Variants in EEFSEC observed in about 807,000 individuals in gnomAD.
EEFSEC encodes selenocysteine-specific elongation factor.
A neutral mutation model predicts 42.1 loss-of-function variants in EEFSEC; 43 were observed. The observed-to-expected ratio is 1.02, with a 90% CI of 0.80 to 1.32. EEFSEC has a LOEUF of 1.32. EEFSEC is among the 40% of genes most tolerant of loss of function. The pLI is 0.00. For missense variants in EEFSEC, 745 were observed against 803.6 expected (o/e 0.93, Z 0.88); for synonymous variants, 354 against 339.1 (o/e 1.04, Z -0.48).
chr3:128,317,635 T>C lies in EEFSEC; in HGVS notation c.787-23598T>C, dbSNP rs868515336. On this transcript the variant is annotated intron_variant, in intron 4 of 6. Transcript: ENST00000254730. The surrounding 1 kb of genome is among the most constrained non-coding windows in gnomAD (Gnocchi z 4.1). ...ACCCCTGTGTGGCATCTCACGGTAT[T>C]CATCTGCCGGCAGAGGAGAGTTCCA... Among the ~76,000 whole-genome samples, 1 of 152,248 alleles carries C rather than the reference T, an allele frequency of 6.6e-6. No individual in the cohort carries two copies. Among genetic ancestry groups the C allele is most frequent in the Non-Finnish European group, 1.5e-5 (1 of 68,042 alleles).
intron 1 of EEFSEC, among the ~76,000 whole-genome samples, chr3:128,242,781 A>T (rs1000693545): frequency 1.3e-5 from 2 of 152,210 alleles, no homozygotes; most frequent in African/African-American, 4.8e-5. Flanking sequence ...TCTTTTAAGG[A>T]TACTATAGTC....
In EEFSEC at chr3:128,287,321, G is replaced by T. The variant is rs373538330; in HGVS notation, c.786+22540G>T. Among the ~76,000 whole-genome samples the T allele has an allele frequency of 7.0e-4, 106 of 152,260 alleles. 1 individual carries two copies. In the East Asian group the frequency reaches 0.019, roughly 28 times the overall value. ...GGGCAGGCGGGCTTGTGCAGCCATGGGGGGAGGAAGGAATGAGATCAAGAA... is the reference window on the plus strand; with the variant it reads ...GGGCAGGCGGGCTTGTGCAGCCATGTGGGGAGGAAGGAATGAGATCAAGAA... On this transcript the variant is annotated intron_variant, in intron 4 of 6. Coordinates refer to ENST00000254730, the MANE Select transcript of EEFSEC (RefSeq NM_021937.5).
At chr3:128,195,636 A>G (rs2065576705) in intron 1 of EEFSEC, among the ~76,000 whole-genome samples, 1 of 152,178 alleles carries the variant, frequency 6.6e-6, no homozygotes, top group South Asian at 2.1e-4. Flanking sequence ...AATGGAGATG[A>G]AGGCGCCTCC....
At chr3:128,267,464 C>G (rs932130796) in intron 4 of EEFSEC, among the ~76,000 whole-genome samples, 2 of 152,136 alleles carry the variant, frequency 1.3e-5, no homozygotes, top group Admixed American at 1.3e-4. Context: ...TCAGGAAAAG[C>G]AGAACTTGTA....
intron 1 of EEFSEC, among the ~76,000 whole-genome samples, chr3:128,209,224 T>A (rs1461249405): frequency 6.6e-6 from 1 of 152,248 alleles, no homozygotes; most frequent in Non-Finnish European, 1.5e-5. Flanking sequence ...TCATCCTTAA[T>A]ACACTTCGGT....
Position 128,244,087 on chromosome 3 carries a change from G to T in EEFSEC, c.317-2749G>T, listed in dbSNP as rs576894158. On this transcript the variant is annotated intron_variant, in intron 1 of 6. Transcript: ENST00000254730. ...GGCACAGCTTCACCCACCGGAGAGG[G>T]AGGCCTGTGGGGCCAGTGCAGGATC... is the stretch of plus-strand genomic sequence containing the variant. Among the ~76,000 whole-genome samples the T allele has an allele frequency of 3.5e-4, 54 of 152,318 alleles. 1 individual carries two copies. The South Asian group carries it at 0.011, about 30-fold the overall frequency.
intron 3 of EEFSEC, among the ~76,000 whole-genome samples, chr3:128,263,927 T>C (rs1307478073): frequency 2.6e-5 from 4 of 152,210 alleles, no homozygotes; most frequent in African/African-American, 9.6e-5. Context: ...TTTCTTCTTC[T>C]TTCACTTGTC....
At chr3:128,300,126 A>G (rs991394780) in intron 4 of EEFSEC, among the ~76,000 whole-genome samples, 5 of 152,238 alleles carry the variant, frequency 3.3e-5, no homozygotes, top group African/African-American at 1.2e-4. Context: ...TGGGTGTGCT[A>G]GAACTGGCCT....
At chr3:128,364,372 G>A (rs535564629) in intron 6 of EEFSEC, among the ~76,000 whole-genome samples, 5 of 152,306 alleles carry the variant, frequency 3.3e-5, no homozygotes, top group Admixed American at 2.6e-4. Flanking sequence ...AGGAGGGCCA[G>A]AGCAAGCTTC....
chr3:128,258,824 A>G lies in EEFSEC; in HGVS notation c.525-3304A>G, dbSNP rs376819531. ...TAATCTGGCTACAGGACTTAAATAT[A>G]TGTTCCCTGATCCTTGAAGATCAGC... is the stretch of plus-strand genomic sequence containing the variant. On this transcript the variant is annotated intron_variant, in intron 2 of 6. Transcript: ENST00000254730. Among the ~76,000 whole-genome samples the G allele has an allele frequency of 3.2e-4, 48 of 152,342 alleles. No individual in the cohort carries two copies. In the East Asian group the frequency reaches 8.1e-3, roughly 26 times the overall value.
chr3:128,288,064 G>A (rs1442867222), intron 4 of EEFSEC, among the ~76,000 whole-genome samples: 8 of 150,546 alleles, frequency 5.3e-5, no homozygotes, highest in African/African-American at 2.0e-4. Flanking sequence ...ATACAGGTAC[G>A]CCATCATTCA....
intron 1 of EEFSEC, among the ~76,000 whole-genome samples, chr3:128,213,341 G>C (rs1576549806): frequency 6.6e-6 from 1 of 152,212 alleles, no homozygotes. Context: ...CATGTCCTTG[G>C]CATGTAGTTG....
intron 5 of EEFSEC, among the ~76,000 whole-genome samples, chr3:128,345,327 C>G (rs1029282286): frequency 6.6e-6 from 1 of 152,288 alleles, no homozygotes; most frequent in East Asian, 1.9e-4. Flanking sequence ...CATTATTTCT[C>G]TTTGAAGCAC....
At chr3:128,316,676 G>C (rs888558035) in intron 4 of EEFSEC, among the ~76,000 whole-genome samples, 4 of 152,218 alleles carry the variant, frequency 2.6e-5, no homozygotes, top group Non-Finnish European at 5.9e-5. Flanking sequence ...CCCTGAGCCT[G>C]CCTGGAGCTC....
chr3:128,332,813 G>A (rs1226691670), intron 4 of EEFSEC, among the ~76,000 whole-genome samples: 1 of 152,224 alleles, frequency 6.6e-6, no homozygotes. Flanking sequence ...GACTTGTTGT[G>A]TGTGAGATGT....
chr3:128,376,411 G>A (rs776578867), intron 6 of EEFSEC, among the ~76,000 whole-genome samples: 16 of 152,136 alleles, frequency 1.1e-4, no homozygotes, highest in African/African-American at 2.4e-4. Flanking sequence ...CCAGGGCCCC[G>A]CAGCATTCTG....
intron 2 of EEFSEC, among the ~76,000 whole-genome samples, chr3:128,250,441 T>A (rs939513211): frequency 6.6e-6 from 1 of 152,214 alleles, no homozygotes; most frequent in Non-Finnish European, 1.5e-5. Context: ...TGATGTAAGT[T>A]AAGGGTTCAC....
At chr3:128,209,663 G>C in intron 1 of EEFSEC, among the ~76,000 whole-genome samples, 1 of 152,190 alleles carries the variant, frequency 6.6e-6, no homozygotes, top group East Asian at 1.9e-4. Flanking sequence ...AGTAGCCTTT[G>C]CAAAAGTAGA....
chr3:128,201,604 A>G (rs1229427011), intron 1 of EEFSEC, among the ~76,000 whole-genome samples: 1 of 152,206 alleles, frequency 6.6e-6, no homozygotes, highest in African/African-American at 2.4e-5. Context: ...TCTTTAACCT[A>G]CTTATCAGTC....
Sources: allele counts gnomAD v4.1 joint callset (sites outside exome capture counted in the v4.1 genomes callset), GRCh38; gene constraint gnomAD v4.1.1; non-coding constraint Gnocchi (gnomAD v3.1); transcripts MANE v1.5; gene names NCBI Gene and HGNC (gene_info 2026-07-23, HGNC 2026-07-21).